FAR2: variants seen among roughly 807,000 people sequenced by gnomAD.
FAR2 encodes fatty acyl-CoA reductase 2.
FAR2 carries 19 observed loss-of-function variants against 56.0 expected under a neutral mutation model. The ratio of observed to expected loss-of-function variants is 0.34; its 90% CI spans 0.24 to 0.50. The LOEUF (loss-of-function observed/expected upper bound fraction) is 0.50, where lower values mean the gene tolerates loss of function less well. FAR2 is among the 20% of genes least tolerant of loss of function. The pLI, the probability that FAR2 is intolerant of heterozygous loss-of-function variation, is 0.98. For missense variants in FAR2, 508 were observed against 642.2 expected (o/e 0.79, Z 2.26); for synonymous variants, 219 against 218.8 (o/e 1.00, Z -0.01).
chr12:29,295,076 G>A (rs910498694), intron 3 of FAR2, among the ~76,000 whole-genome samples: 3 of 148,726 alleles, frequency 2.0e-5, no homozygotes, highest in African/African-American at 7.8e-5. Flanking sequence ...TCACAGCACT[G>A]TATTTTTTTC....
intron 1 of FAR2, among the ~76,000 whole-genome samples, chr12:29,197,940 A>G (rs1293746275): frequency 6.6e-6 from 1 of 152,230 alleles, no homozygotes; most frequent in East Asian, 1.9e-4. Flanking sequence ...TGGATTGAAC[A>G]TAGAGCAAAT....
chr12:29,236,678 C>T (rs1947948059), intron 1 of FAR2, among the ~76,000 whole-genome samples: 1 of 152,168 alleles, frequency 6.6e-6, no homozygotes, highest in African/African-American at 2.4e-5. Context: ...CACTTCCCTG[C>T]CTTGGTGTGG....
intron 1 of FAR2, among the ~76,000 whole-genome samples, chr12:29,187,758 C>A (rs1482518737): frequency 6.6e-6 from 1 of 152,162 alleles, no homozygotes; most frequent in Non-Finnish European, 1.5e-5. Flanking sequence ...TACTTTCTGG[C>A]TGAATTTTCT....
At chr12:29,278,164 CAA>C (rs1264387557) in intron 2 of FAR2, among the ~76,000 whole-genome samples, 1 of 151,946 alleles carries the variant, frequency 6.6e-6, no homozygotes, top group African/African-American at 2.4e-5. Flanking sequence ...CTTGTGGCCT[CAA>C]ACAGTCCTCC....
chr12:29,237,218 G>C (rs1016504793), intron 1 of FAR2, among the ~76,000 whole-genome samples: 1 of 152,102 alleles, frequency 6.6e-6, no homozygotes, highest in African/African-American at 2.4e-5. Context: ...CTTGAAGTGT[G>C]GTCCGCGGAC....
chr12:29,306,648 G>A (rs1387606735), intron 4 of FAR2, among the ~76,000 whole-genome samples: 1 of 152,340 alleles, frequency 6.6e-6, no homozygotes, highest in South Asian at 2.1e-4. Flanking sequence ...TCAGCTAGAA[G>A]AATGTTAAAT....
At chr12:29,238,666 C>A (rs1460725791) in intron 1 of FAR2, among the ~76,000 whole-genome samples, 1 of 151,906 alleles carries the variant, frequency 6.6e-6, no homozygotes, top group Non-Finnish European at 1.5e-5. Flanking sequence ...AAGTAAAAAC[C>A]AACATTTGTG....
At chr12:29,283,099 T>C (rs1162437012) in intron 2 of FAR2, among the ~76,000 whole-genome samples, 3 of 152,160 alleles carry the variant, frequency 2.0e-5, no homozygotes, top group Admixed American at 1.3e-4. Context: ...TTGGATCCAA[T>C]TTAAATGTTC....
chr12:29,215,824 T>C (rs1040937537), intron 1 of FAR2, among the ~76,000 whole-genome samples: 15 of 152,030 alleles, frequency 9.9e-5, no homozygotes, highest in African/African-American at 3.6e-4. Context: ...ATATGTGATA[T>C]GCACAAATTA....
intron 1 of FAR2, among the ~76,000 whole-genome samples, chr12:29,209,347 A>T (rs1359117765): frequency 6.6e-6 from 1 of 152,214 alleles, no homozygotes; most frequent in East Asian, 1.9e-4. Flanking sequence ...AAGATGCATC[A>T]GGTCAATCGT....
chr12:29,184,422 CTTTTTTT>C (rs71042961), intron 1 of FAR2, among the ~76,000 whole-genome samples: 2 of 59,682 alleles, frequency 3.4e-5, no homozygotes, highest in Admixed American at 2.2e-4. Context: ...AATCTAGCAT[CTTTTTTT>C]TTTTTTTTTT....
chr12:29,301,027 C>A (rs915935659), intron 4 of FAR2, among the ~76,000 whole-genome samples: 1 of 152,154 alleles, frequency 6.6e-6, no homozygotes, highest in African/African-American at 2.4e-5. Flanking sequence ...GCTCATTCAG[C>A]TCCCCCCATT....
At chr12:29,199,849 G>C (rs1369065678) in intron 1 of FAR2, among the ~76,000 whole-genome samples, 1 of 152,140 alleles carries the variant, frequency 6.6e-6, no homozygotes, top group Non-Finnish European at 1.5e-5. Flanking sequence ...TTTCTGGCTA[G>C]AGTGACCAGG....
intron 8 of FAR2, among the ~76,000 whole-genome samples, chr12:29,316,067 G>T (rs897597526): frequency 1.3e-5 from 2 of 151,708 alleles, no homozygotes; most frequent in Admixed American, 1.3e-4. Flanking sequence ...ATTTTAGCTG[G>T]TATTTTTTTA....
chr12:29,232,821 GCACACACA>G (rs71042969), intron 1 of FAR2, among the ~76,000 whole-genome samples: 5 of 145,858 alleles, frequency 3.4e-5, no homozygotes, highest in Non-Finnish European at 7.6e-5. Flanking sequence ...ACGCGCTCGC[GCACACACA>G]CACACACACA....
chr12:29,191,954 A>T (rs926977838), intron 1 of FAR2, among the ~76,000 whole-genome samples: 3 of 151,950 alleles, frequency 2.0e-5, no homozygotes, highest in Admixed American at 2.0e-4. Context: ...TATAGAGACT[A>T]CTACTCCTTT....
intron 9 of FAR2, 79 bp downstream of exon 9, chr12:29,317,091 G>A: frequency 1.4e-6 from 2 of 1,433,044 alleles, no homozygotes; most frequent in Non-Finnish European, 1.9e-6. Flanking sequence ...GCTTCCTTCA[G>A]CCGAGGATTA....
intron 4 of FAR2, among the ~76,000 whole-genome samples, 174 bp downstream of exon 4, chr12:29,297,374 T>C (rs1949088870): frequency 6.6e-6 from 1 of 152,208 alleles, no homozygotes; most frequent in African/African-American, 2.4e-5. Flanking sequence ...GGGAATATAC[T>C]GCTAAAAGAG....
At chr12:29,158,515 C>G (rs1295631971) in intron 1 of FAR2, among the ~76,000 whole-genome samples, 1 of 152,244 alleles carries the variant, frequency 6.6e-6, no homozygotes, top group East Asian at 1.9e-4. Flanking sequence ...ATTGCCTCTT[C>G]CTTCTTTTCC....
Sources: allele counts gnomAD v4.1 joint callset (sites outside exome capture counted in the v4.1 genomes callset), GRCh38; gene constraint gnomAD v4.1.1; transcripts MANE v1.5; gene names NCBI Gene and HGNC (gene_info 2026-07-23, HGNC 2026-07-21).